RALYL: variants seen among roughly 807,000 people sequenced by gnomAD.
RALYL encodes the protein RALY RNA binding protein like.
Under a neutral mutation model 35.1 loss-of-function variants are expected in RALYL, and 29 were observed. The ratio of observed to expected loss-of-function variants is 0.83; its 90% CI spans 0.61 to 1.13. The LOEUF (loss-of-function observed/expected upper bound fraction) is 1.13. RALYL is among the 50% of genes most tolerant of loss of function. The pLI is 0.00. For synonymous variants in RALYL, 120 were observed against 127.6 expected (o/e 0.94, Z 0.40); for missense variants, 359 against 360.4 (o/e 1.00, Z 0.03).
chr8:84,654,270 C>CATATATATGT (rs1829463521), intron 2 of RALYL, among the ~76,000 whole-genome samples: 2 of 44,532 alleles, frequency 4.5e-5, no homozygotes, highest in Non-Finnish European at 5.7e-5. Context: ...TCTCATGTTC[C>CATATATATGT]ATATATATAT....
intron 2 of RALYL, among the ~76,000 whole-genome samples, chr8:84,543,370 C>A (rs934853436): frequency 1.1e-4 from 17 of 151,386 alleles, no homozygotes; most frequent in African/African-American, 4.1e-4. Flanking sequence ...CTTACTATTT[C>A]CCCTTTATAG....
intron 1 of RALYL, among the ~76,000 whole-genome samples, chr8:84,318,875 A>T (rs2130301634): frequency 6.6e-6 from 1 of 152,262 alleles, no homozygotes; most frequent in East Asian, 1.9e-4. Flanking sequence ...TCAATGAAAG[A>T]TTATTTATTA....
rs1324684692 is a variant in RALYL at position 84,655,655 on chromosome 8, G to A, written c.257-118924G>A. On this transcript the variant is annotated intron_variant, in intron 2 of 8. Coordinates refer to ENST00000521268, the MANE Select transcript of RALYL (RefSeq NM_173848.7). ...TTAGATTTTTTTTTCCTATGGAGTCGTTTGAGCTCCTTATATTCTGATGAT... is the reference window on the plus strand; with the variant it reads ...TTAGATTTTTTTTTCCTATGGAGTCATTTGAGCTCCTTATATTCTGATGAT... Among the ~76,000 whole-genome samples the A allele has an allele frequency of 4.6e-5, 7 of 152,092 alleles. No individual in the cohort carries two copies. The South Asian group carries it at 6.2e-4, about 14-fold the overall frequency.
At position 84,550,686 on chromosome 8, in the gene RALYL, G is replaced by C. The variant is rs186254152; in HGVS notation, c.256+21109G>C. The stretch of plus-strand genomic sequence containing the variant: ...ATATGTTTGTCCTTTAGAAACTTAT[G>C]ACAGTCTATTTCAGAGTATAGCCAT... On this transcript the variant is annotated intron_variant, in intron 2 of 8. Transcript: ENST00000521268. Among the ~76,000 whole-genome samples the C allele has an allele frequency of 2.5e-3, 374 of 151,830 alleles. 3 individuals carry two copies. Among genetic ancestry groups the C allele is most frequent in the African/African-American group, 8.6e-3 (355 of 41,502 alleles).
chr8:84,676,645 G>A (rs1380557627), intron 2 of RALYL, among the ~76,000 whole-genome samples: 2 of 152,106 alleles, frequency 1.3e-5, no homozygotes, highest in Admixed American at 1.3e-4. Context: ...ATTTCAAGAA[G>A]CTATATAATA....
chr8:84,564,137 A>G (rs1345524911), intron 2 of RALYL, among the ~76,000 whole-genome samples: 2 of 151,756 alleles, frequency 1.3e-5, no homozygotes, highest in Non-Finnish European at 3.0e-5. Context: ...TAACTTCAAT[A>G]TCATTATACT....
At chr8:84,253,183 T>TG in intron 1 of RALYL, among the ~76,000 whole-genome samples, 4 of 115,858 alleles carry the variant, frequency 3.5e-5, no homozygotes, top group African/African-American at 9.8e-5. Context: ...GCAGTTTTTT[T>TG]TTTTTTTTTT....
upstream of RALYL, chr8:84,183,235 C>G (rs1811685181): frequency 9.5e-6 from 1 of 105,330 alleles, no homozygotes; most frequent in African/African-American, 2.6e-5. Flanking sequence ...TGTGCGTGTG[C>G]TCAGCCTCAG....
chr8:84,311,476 G>A (rs975356501), intron 1 of RALYL, among the ~76,000 whole-genome samples: 1 of 152,062 alleles, frequency 6.6e-6, no homozygotes, highest in Non-Finnish European at 1.5e-5. Context: ...CATAGAATGG[G>A]AGAGAAGACT....
At chr8:84,606,663 G>A (rs913516325) in intron 2 of RALYL, among the ~76,000 whole-genome samples, 2 of 152,090 alleles carry the variant, frequency 1.3e-5, no homozygotes, top group African/African-American at 4.8e-5. Context: ...GCTGGTGTGT[G>A]CTTCTAAGTG....
chr8:84,793,065 G>A (rs909077037), intron 3 of RALYL, among the ~76,000 whole-genome samples: 2 of 152,298 alleles, frequency 1.3e-5, no homozygotes, highest in East Asian at 3.9e-4. Context: ...GTAGGCCAAG[G>A]TGGGTGGTGA....
At chr8:84,834,603 C>T (rs1360235699) in intron 4 of RALYL, among the ~76,000 whole-genome samples, 3 of 152,134 alleles carry the variant, frequency 2.0e-5, no homozygotes, top group Non-Finnish European at 4.4e-5. Context: ...TACTGCCAAA[C>T]TTTAACACTG....
intron 2 of RALYL, among the ~76,000 whole-genome samples, chr8:84,729,324 T>C (rs1372369890): frequency 2.6e-5 from 4 of 152,138 alleles, no homozygotes; most frequent in Admixed American, 2.6e-4. Context: ...ACACTGATTT[T>C]GTATCCTGAG....
At chr8:84,680,311 C>G (rs566685155) in intron 2 of RALYL, among the ~76,000 whole-genome samples, 1 of 152,114 alleles carries the variant, frequency 6.6e-6, no homozygotes, top group South Asian at 2.1e-4. Flanking sequence ...AATAAACATA[C>G]GTGTGCATGT....
chr8:84,419,224 T>C (rs886308601), intron 1 of RALYL, among the ~76,000 whole-genome samples: 1 of 152,180 alleles, frequency 6.6e-6, no homozygotes, highest in East Asian at 1.9e-4. Flanking sequence ...GGACTTTGCG[T>C]TGTGGCTCAT....
intron 8 of RALYL, among the ~76,000 whole-genome samples, chr8:84,914,625 G>A (rs941573499): frequency 5.3e-5 from 8 of 151,848 alleles, no homozygotes; most frequent in African/African-American, 1.7e-4. Flanking sequence ...TGTAACTCAC[G>A]ATAATTTTAC....
chr8:84,313,977 TG>T, intron 1 of RALYL, among the ~76,000 whole-genome samples: 1 of 152,260 alleles, frequency 6.6e-6, no homozygotes, highest in African/African-American at 2.4e-5. Flanking sequence ...ACATACTACC[TG>T]AAACTGGGTA....
intron 1 of RALYL, among the ~76,000 whole-genome samples, chr8:84,250,019 T>A (rs1208932453): frequency 6.6e-6 from 1 of 152,032 alleles, no homozygotes; most frequent in East Asian, 1.9e-4. Flanking sequence ...ATTTCTAATT[T>A]TATTCGTGTT....
At chr8:84,693,877 C>G (rs1838592102) in intron 2 of RALYL, among the ~76,000 whole-genome samples, 1 of 151,490 alleles carries the variant, frequency 6.6e-6, no homozygotes, top group Non-Finnish European at 1.5e-5. Context: ...ATGATCACCT[C>G]AAAGATGAAG....
Sources: allele counts gnomAD v4.1 joint callset (sites outside exome capture counted in the v4.1 genomes callset), GRCh38; gene constraint gnomAD v4.1.1; transcripts MANE v1.5; gene names NCBI Gene and HGNC (gene_info 2026-07-23, HGNC 2026-07-21).